The following NUMB variants were observed in gnomAD, a reference collection of about 807,000 sequenced individuals.
The protein encoded by NUMB is NUMB endocytic adaptor protein, also known as protein numb homolog.
A neutral mutation model predicts 59.7 loss-of-function variants in NUMB; 29 were observed. That is an observed-to-expected ratio of 0.49 (90% CI 0.36 to 0.66). The LOEUF (loss-of-function observed/expected upper bound fraction) is 0.66, where lower values mean the gene tolerates loss of function less well. Ranked by LOEUF, NUMB falls within the 30% of genes least tolerant of loss-of-function variation. The pLI, the probability that NUMB is intolerant of heterozygous loss-of-function variation, is 0.00. For synonymous variants in NUMB, 288 were observed against 288.2 expected, an observed-to-expected ratio of 1.00 and a Z score of 0.01; for missense variants, 723 against 822.0, an observed-to-expected ratio of 0.88 and a Z score of 1.47.
chr14:73,441,084 T>C (rs1287411555), intron 1 of NUMB, among the ~76,000 whole-genome samples: 1 of 151,912 alleles, frequency 6.6e-6, no homozygotes, highest in Non-Finnish European at 1.5e-5. Context: ...ATCCAGAATA[T>C]ATAAAGAAAA....
chr14:73,330,740 T>TACTC (rs1555371861), intron 4 of NUMB, among the ~76,000 whole-genome samples: 1 of 151,700 alleles, frequency 6.6e-6, no homozygotes. Flanking sequence ...TGTCTACTGT[T>TACTC]AGGGTTTTCC....
chr14:73,331,327 C>T (rs916563224), intron 4 of NUMB, among the ~76,000 whole-genome samples: 1 of 152,030 alleles, frequency 6.6e-6, no homozygotes, highest in East Asian at 1.9e-4. Flanking sequence ...GGGAGGATCA[C>T]GATGTCAGGA....
Position 73,323,178 on chromosome 14 carries a change from T to C in NUMB, c.153A>G (p.Glu51=). ...CTTCACAGATGTGCATTCCTCTTGA[T>C]TCATCAACTTCTACATGGCCAAGGT... ...VKYLGHVEVD[E]SRGMHICEDA... is the part of the protein sequence containing the mutation. Residue 51 remains glutamate (E), a synonymous_variant, in exon 5 of 13, where the codon GAA becomes GAG. Transcript: ENST00000555238. 2 of 1,613,582 alleles carry C rather than the reference T, an allele frequency of 1.2e-6. No homozygotes were observed. Among genetic ancestry groups the C allele is most frequent in the Non-Finnish European group, 8.5e-7 (1 of 1,179,574 alleles).
intron 1 of NUMB, among the ~76,000 whole-genome samples, chr14:73,413,888 G>A (rs1897008072): frequency 6.6e-6 from 1 of 151,442 alleles, no homozygotes. Context: ...AACCAATGCA[G>A]TATTATAATA....
At chr14:73,287,444 T>G in intron 8 of NUMB, 130 bp from the exon 9 acceptor site, 1 of 771,436 alleles carries the variant, frequency 1.3e-6, no homozygotes, top group Non-Finnish European at 2.0e-6. Context: ...AGTGGCGCAG[T>G]CTCTGCTCAC....
Position 73,364,850 on chromosome 14 carries a change from C to T in NUMB, c.-16+2047G>A, listed in dbSNP as rs191181883. Among the ~76,000 whole-genome samples the T allele has an allele frequency of 7.9e-5, 12 of 152,208 alleles. No homozygotes were observed. The East Asian group carries it at 2.3e-3, about 29-fold the overall frequency. ...ATGGGGTCTTGCTATGTTGCCCAGG[C>T]TGATCTCAAACTCCTGGGCTCAAGC... On this transcript the variant is annotated intron_variant, in intron 3 of 12. Transcript: ENST00000555238.
At chr14:73,350,082 C>T (rs202232846) in intron 4 of NUMB, among the ~76,000 whole-genome samples, 1 of 147,536 alleles carries the variant, frequency 6.8e-6, no homozygotes, top group Non-Finnish European at 1.5e-5. Context: ...CATACATACA[C>T]ACACACACAC....
At chr14:73,413,952 T>A (rs1166063165) in intron 1 of NUMB, among the ~76,000 whole-genome samples, 1 of 151,738 alleles carries the variant, frequency 6.6e-6, no homozygotes, top group East Asian at 1.9e-4. Flanking sequence ...CTCAAATGTT[T>A]TTTCTTTTTT....
intron 1 of NUMB, among the ~76,000 whole-genome samples, chr14:73,426,706 G>T (rs1376510368): frequency 6.6e-6 from 1 of 152,126 alleles, no homozygotes. Context: ...AACTAGCCAG[G>T]CGTGGTGGCG....
intron 2 of NUMB, among the ~76,000 whole-genome samples, chr14:73,376,204 G>A (rs1307456084): frequency 6.6e-6 from 1 of 152,098 alleles, no homozygotes; most frequent in Admixed American, 6.6e-5. Flanking sequence ...TTATAGCAAG[G>A]TTACAGGACA....
Position 73,276,714 on chromosome 14 carries a change from G to C in NUMB, c.1820C>G (p.Pro607Arg), listed in dbSNP as rs767551779. 1 of 1,614,196 alleles carries C rather than the reference G, an allele frequency of 6.2e-7. No individual in the cohort carries two copies. Among genetic ancestry groups the C allele is most frequent in the Non-Finnish European group, 8.5e-7 (1 of 1,180,028 alleles). Reference sequence around the variant, plus strand: ...AGGATCCACTGGGCAGGTGCCTGTAGGAACCTCTGTATGCCTGTCTGCTGA... The same window carrying C: ...AGGATCCACTGGGCAGGTGCCTGTACGAACCTCTGTATGCCTGTCTGCTGA... ...LASADRHTEV[P>R]TGTCPVDPFE... The change falls in exon 13 of 13, where the codon CCT becomes CGT. Residue 607 changes from proline (P) to arginine (R), a missense_variant. This residue lies in a region of NUMB where 406 missense variants were observed against 385.4 expected (regional missense o/e 1.05). Coordinates refer to ENST00000555238, the MANE Select transcript of NUMB (RefSeq NM_001005743.2).
chr14:73,307,647 A>G (rs1890528111), intron 6 of NUMB, among the ~76,000 whole-genome samples: 1 of 152,152 alleles, frequency 6.6e-6, no homozygotes, highest in South Asian at 2.1e-4. Context: ...TACAAGGCCT[A>G]AAAGACTGGC....
intron 2 of NUMB, among the ~76,000 whole-genome samples, chr14:73,398,095 CA>C (rs1289524073): frequency 6.6e-6 from 1 of 151,958 alleles, no homozygotes; most frequent in Non-Finnish European, 1.5e-5. Flanking sequence ...CCCAGTTTCA[CA>C]AAAAGAGCAG....
At chr14:73,301,385 C>G (rs1330338746) in intron 6 of NUMB, among the ~76,000 whole-genome samples, 1 of 152,204 alleles carries the variant, frequency 6.6e-6, no homozygotes, top group East Asian at 1.9e-4. Flanking sequence ...GGACTGTTCT[C>G]CAGTTAGTCT....
intron 2 of NUMB, among the ~76,000 whole-genome samples, chr14:73,408,056 T>C (rs1377616704): frequency 6.6e-6 from 1 of 151,912 alleles, no homozygotes. Flanking sequence ...TGAAACCCCG[T>C]CTCTACTAAA....
chr14:73,370,618 G>A (rs1186316367), intron 2 of NUMB, among the ~76,000 whole-genome samples: 1 of 152,128 alleles, frequency 6.6e-6, no homozygotes, highest in African/African-American at 2.4e-5. Flanking sequence ...CTTGAACCCA[G>A]GAGGCGGAGG....
At chr14:73,380,712 A>G (rs1471214012) in intron 2 of NUMB, among the ~76,000 whole-genome samples, 1 of 145,778 alleles carries the variant, frequency 6.9e-6, no homozygotes, top group African/African-American at 2.5e-5. Context: ...GATTGGGCAC[A>G]TTCATCAATT....
chr14:73,387,177 C>T (rs980305602), intron 2 of NUMB, among the ~76,000 whole-genome samples: 2 of 152,068 alleles, frequency 1.3e-5, no homozygotes, highest in Non-Finnish European at 2.9e-5. Context: ...CCACCGCGCC[C>T]GGCCTATCAG....
chr14:73,277,406 G>A (rs1275088598), intron 12 of NUMB, 113 bp from the exon 13 acceptor site: 1 of 861,456 alleles, frequency 1.2e-6, no homozygotes, highest in African/African-American at 1.7e-5. Context: ...CCCCTAATGG[G>A]ACATTTTGTG....
Sources: gnomAD v4.1 joint callset for allele counts (sites outside exome capture counted in the v4.1 genomes callset) on GRCh38, gnomAD v4.1.1 for gene constraint, gnomAD v4.1.1 regional missense constraint, MANE v1.5 for transcripts, NCBI Gene and HGNC (gene_info 2026-07-23, HGNC 2026-07-21) for gene names.